SPPL3: variants seen among roughly 807,000 people sequenced by gnomAD.
SPPL3 encodes the protein signal peptide peptidase-like 3.
A neutral mutation model predicts 42.4 loss-of-function variants in SPPL3; 5 were observed. The ratio of observed to expected loss-of-function variants is 0.12; its 90% CI spans 0.06 to 0.25. SPPL3 has a LOEUF of 0.25. SPPL3 is among the 10% of genes least tolerant of loss of function. SPPL3 has a pLI of 1.00. For synonymous variants in SPPL3, 195 were observed against 181.8 expected (o/e 1.07, Z -0.58); for missense variants, 235 against 489.0 (o/e 0.48, Z 4.90).
chr12:120,902,957 C>G (rs1432505962), intron 1 of SPPL3, among the ~76,000 whole-genome samples: 1 of 152,172 alleles, frequency 6.6e-6, no homozygotes, highest in Non-Finnish European at 1.5e-5. Context: ...CCCCCAAACC[C>G]TGGCACTCCC....
chr12:120,852,878 T>TTATATATTA (rs1461979024), intron 1 of SPPL3, among the ~76,000 whole-genome samples: 1 of 138,200 alleles, frequency 7.2e-6, no homozygotes, highest in Non-Finnish European at 1.5e-5. Flanking sequence ...TATATACATA[T>TTATATATTA]CATATATATT....
chr12:120,771,037 G>C (rs1869102357), intron 6 of SPPL3, among the ~76,000 whole-genome samples: 1 of 152,148 alleles, frequency 6.6e-6, no homozygotes, highest in Admixed American at 6.5e-5. Context: ...CCTGGCTTAA[G>C]CCGCCATCCT....
intron 1 of SPPL3, among the ~76,000 whole-genome samples, chr12:120,879,880 A>G (rs1873225916): frequency 6.6e-6 from 1 of 152,138 alleles, no homozygotes; most frequent in Non-Finnish European, 1.5e-5. Flanking sequence ...AGAGTTTAAC[A>G]ATGTGCCTCA....
chr12:120,903,157 G>A (rs1874035435), intron 1 of SPPL3, among the ~76,000 whole-genome samples: 1 of 152,116 alleles, frequency 6.6e-6, no homozygotes, highest in Non-Finnish European at 1.5e-5. Flanking sequence ...CAAAGACTCT[G>A]CCCATGCCCC....
chr12:120,768,034 A>T (rs1469985358), intron 8 of SPPL3, among the ~76,000 whole-genome samples: 1 of 152,216 alleles, frequency 6.6e-6, no homozygotes, highest in East Asian at 1.9e-4. Flanking sequence ...AATATCTTAC[A>T]AGTTAAAAGG....
chr12:120,833,704 G>T (rs1398105258), intron 1 of SPPL3, among the ~76,000 whole-genome samples: 1 of 136,188 alleles, frequency 7.3e-6, no homozygotes, highest in African/African-American at 2.5e-5. Context: ...AGGAAAAAGA[G>T]AAAAAAAGGA....
intron 1 of SPPL3, among the ~76,000 whole-genome samples, chr12:120,856,503 CTTTTTTTTT>C (rs35137934): frequency 7.8e-5 from 7 of 89,202 alleles, no homozygotes; most frequent in East Asian, 7.5e-4. Flanking sequence ...CAATTTTCAT[CTTTTTTTTT>C]TTTTTTTTTT....
chr12:120,858,480 G>C (rs1230534643), intron 1 of SPPL3, among the ~76,000 whole-genome samples: 1 of 144,664 alleles, frequency 6.9e-6, no homozygotes, highest in East Asian at 2.0e-4. Flanking sequence ...AAAAAACAAA[G>C]AAAATGACAT....
rs1566053888 is a variant in SPPL3 at position 120,829,416 on chromosome 12, T to G, written c.24-18530A>C. ...TTTGAGACCAGCCTGGCAGACGTGG[T>G]GAAACCCCGTCTCTACTAAAAATAC... On this transcript the variant is annotated intron_variant, in intron 1 of 10. Coordinates refer to ENST00000353487, the MANE Select transcript of SPPL3 (RefSeq NM_139015.5). Among the ~76,000 whole-genome samples the G allele has an allele frequency of 3.3e-5, 5 of 151,664 alleles. No homozygotes were observed. The South Asian group carries it at 6.3e-4, about 19-fold the overall frequency.
At chr12:120,790,207 G>A (rs566150210) in intron 3 of SPPL3, among the ~76,000 whole-genome samples, 2 of 152,272 alleles carry the variant, frequency 1.3e-5, no homozygotes, top group South Asian at 4.1e-4. Flanking sequence ...ATCATACAAG[G>A]ATCCATGTCA....
rs577185426 is a variant in SPPL3 at position 120,782,760 on chromosome 12, A to C, written c.397T>G (p.Phe133Val). 6.2e-7 allele frequency: 1 copy of C among 1,603,688 alleles called. No individual in the cohort carries two copies. Among genetic ancestry groups the C allele is most frequent in the African/African-American group, 1.3e-5 (1 of 74,834 alleles). The stretch of plus-strand genomic sequence containing the variant: ...GCAGTGAAACGTCCACAGCAACCAA[A>C]GGAAATCCTGGAAAACACACAACAC... The part of the protein sequence containing the change: ...RPCSPQNKIS[F>V]GCCGRFTAAE... The change falls in exon 6 of 11, where the codon TTT (phenylalanine) becomes GTT (valine). Residue 133 changes from phenylalanine (F) to valine (V), a missense_variant. Transcript: ENST00000353487.
rs536678840 is a variant in SPPL3 at position 120,903,771 on chromosome 12, C to T, written c.23+74G>A. The T allele has an allele frequency of 1.3e-5, 10 of 751,910 alleles. No individual in the cohort carries two copies. The East Asian group carries it at 1.8e-4, about 14-fold the overall frequency. The allele number at this position is 751,910 out of a possible 1,614,324, so 46.6% of individuals were successfully genotyped here. ...ACACGCACCTGTTCTTCCTCCTCTTCCCCTCGGCGGGCCGCGCCGGCGCCC... is the reference window on the plus strand; with the variant it reads ...ACACGCACCTGTTCTTCCTCCTCTTTCCCTCGGCGGGCCGCGCCGGCGCCC... On this transcript the variant is annotated intron_variant, in intron 1 of 10. Transcript: ENST00000353487.
intron 6 of SPPL3, chr12:120,769,332 C>T (rs1367895378): frequency 9.3e-6 from 3 of 322,008 alleles, no homozygotes; most frequent in Non-Finnish European, 1.8e-5. Context: ...CCTCCAAGCT[C>T]TCTTTTCCTG....
intron 1 of SPPL3, among the ~76,000 whole-genome samples, chr12:120,890,866 A>C (rs1488571190): frequency 6.6e-6 from 1 of 152,198 alleles, no homozygotes; most frequent in Non-Finnish European, 1.5e-5. Flanking sequence ...CGAGGTATCT[A>C]GCTGTGAAGC....
Position 120,791,456 on chromosome 12 carries a change from T to C in SPPL3, c.190+13A>G. 6.4e-7 allele frequency: 1 copy of C among 1,565,976 alleles called. No homozygotes were observed. Among genetic ancestry groups the C allele is most frequent in the Non-Finnish European group, 8.7e-7 (1 of 1,153,324 alleles). ...CTATATGTACAGAAGTTAATTGACATAAAATATCTTACTATTATTGGTGCT... is the reference window on the plus strand; with the variant it reads ...CTATATGTACAGAAGTTAATTGACACAAAATATCTTACTATTATTGGTGCT... On this transcript the variant is annotated intron_variant, in intron 3 of 10. Transcript: ENST00000353487.
chr12:120,771,232 A>G (rs1028895823), intron 6 of SPPL3, among the ~76,000 whole-genome samples: 1 of 152,194 alleles, frequency 6.6e-6, no homozygotes, highest in African/African-American at 2.4e-5. Context: ...CAGTCTTCAT[A>G]CTGGCTGACA....
intron 2 of SPPL3, among the ~76,000 whole-genome samples, chr12:120,798,305 A>C: frequency 6.6e-6 from 1 of 152,240 alleles, no homozygotes; most frequent in South Asian, 2.1e-4. Context: ...CATCAGAGGA[A>C]GACACATTAG....
intron 10 of SPPL3, 107 bp downstream of exon 10, chr12:120,766,154 AAG>A: frequency 1.2e-6 from 1 of 831,976 alleles, no homozygotes. Context: ...TCGAGATCAC[AAG>A]CTCACTCAGG....
intron 1 of SPPL3, among the ~76,000 whole-genome samples, chr12:120,884,877 T>G (rs950364517): frequency 6.6e-6 from 1 of 150,494 alleles, no homozygotes; most frequent in African/African-American, 2.4e-5. Flanking sequence ...TCACACCTAT[T>G]CAATAAATAG....
Sources: allele counts gnomAD v4.1 joint callset (sites outside exome capture counted in the v4.1 genomes callset), GRCh38; gene constraint gnomAD v4.1.1; transcripts MANE v1.5; gene names NCBI Gene and HGNC (gene_info 2026-07-23, HGNC 2026-07-21).